Variants in OXSR1 observed in about 807,000 individuals in gnomAD.
OXSR1 encodes serine/threonine-protein kinase OSR1.
Under a neutral mutation model 79.8 loss-of-function variants are expected in OXSR1, and 24 were observed. The ratio of observed to expected loss-of-function variants is 0.30; its 90% CI spans 0.22 to 0.42. OXSR1 has a LOEUF of 0.42. Among genes scored for constraint, OXSR1 ranks in the 10% least tolerant of loss-of-function variants. OXSR1 has a pLI of 1.00. For missense variants in OXSR1, 430 were observed against 618.4 expected, an observed-to-expected ratio of 0.70 and a Z score of 3.23; for synonymous variants, 226 against 209.2, an observed-to-expected ratio of 1.08 and a Z score of -0.69.
At chr3:38,224,467 G>A (rs1702648959) in intron 7 of OXSR1, 104 bp from the exon 8 acceptor site, 1 of 794,766 alleles carries the variant, frequency 1.3e-6, no homozygotes, top group Non-Finnish European at 2.1e-6. Context: ...AAAATAAAAT[G>A]TTTGTATGTT....
chr3:38,235,943 A>G (rs1702909878), intron 10 of OXSR1, among the ~76,000 whole-genome samples: 2 of 152,198 alleles, frequency 1.3e-5, no homozygotes, highest in Non-Finnish European at 2.9e-5. Flanking sequence ...TTGATCTGAA[A>G]TAGGAGACAT....
chr3:38,200,036 G>T (rs1285554731), intron 4 of OXSR1, among the ~76,000 whole-genome samples: 1 of 152,192 alleles, frequency 6.6e-6, no homozygotes, highest in Admixed American at 6.5e-5. Flanking sequence ...GCTAAGAGAT[G>T]CCAGCTGTGC....
intron 3 of OXSR1, among the ~76,000 whole-genome samples, chr3:38,191,589 A>G (rs1301021483): frequency 6.6e-6 from 1 of 152,118 alleles, no homozygotes; most frequent in Non-Finnish European, 1.5e-5. Flanking sequence ...ATTTTGTAGG[A>G]GGATACTTCT....
At chr3:38,193,230 T>C (rs1702015199) in intron 3 of OXSR1, 2 of 1,274,236 alleles carry the variant, frequency 1.6e-6, no homozygotes, top group Non-Finnish European at 2.1e-6. Flanking sequence ...GCCCTTGTTA[T>C]TTGATGCTTT....
chr3:38,215,685 T>C (rs779337493), intron 4 of OXSR1, among the ~76,000 whole-genome samples: 3 of 152,212 alleles, frequency 2.0e-5, no homozygotes, highest in Non-Finnish European at 2.9e-5. Flanking sequence ...ACTATAGAGA[T>C]GCCTGAGTAA....
chr3:38,208,262 G>A (rs1414862102), intron 4 of OXSR1, among the ~76,000 whole-genome samples: 1 of 152,000 alleles, frequency 6.6e-6, no homozygotes, highest in Non-Finnish European at 1.5e-5. Context: ...AATTGATTAG[G>A]TACAGTTTTA....
intron 1 of OXSR1, among the ~76,000 whole-genome samples, chr3:38,181,592 G>A (rs934246292): frequency 1.3e-5 from 2 of 151,858 alleles, no homozygotes; most frequent in South Asian, 4.2e-4. Context: ...TCCTGACCTC[G>A]TGATCCGCCT....
At chr3:38,165,057 A>C (rs1701408088), upstream of OXSR1, 1 of 152,216 alleles carries the variant, frequency 6.6e-6, no homozygotes. Flanking sequence ...CTCCAGAGGA[A>C]GTGGTAAGAC....
intron 2 of OXSR1, among the ~76,000 whole-genome samples, chr3:38,186,734 A>C (rs1020510316): frequency 1.3e-5 from 2 of 152,242 alleles, no homozygotes; most frequent in African/African-American, 2.4e-5. Flanking sequence ...GGCTGTTTCT[A>C]CTTCTTGGCT....
At chr3:38,199,933 G>A (rs933122306) in intron 4 of OXSR1, among the ~76,000 whole-genome samples, 1 of 152,194 alleles carries the variant, frequency 6.6e-6, no homozygotes, top group Non-Finnish European at 1.5e-5. Context: ...TTGCCTGTGG[G>A]GATGGAAGGC....
chr3:38,236,130 C>T (rs1469815708), intron 10 of OXSR1, among the ~76,000 whole-genome samples: 1 of 152,150 alleles, frequency 6.6e-6, no homozygotes, highest in Non-Finnish European at 1.5e-5. Flanking sequence ...AGGTTCAGCT[C>T]TGAATATGAT....
intron 3 of OXSR1, among the ~76,000 whole-genome samples, chr3:38,195,321 G>A (rs1413420153): frequency 6.6e-6 from 1 of 152,170 alleles, no homozygotes; most frequent in African/African-American, 2.4e-5. Context: ...CCTCAACTTT[G>A]TCTTTTTCTA....
chr3:38,202,913 A>G (rs1559510357), intron 4 of OXSR1, among the ~76,000 whole-genome samples: 1 of 152,120 alleles, frequency 6.6e-6, no homozygotes, highest in African/African-American at 2.4e-5. Flanking sequence ...CAGACCACGA[A>G]AGGGAGTCTC....
rs146388925 is a variant in OXSR1, at chr3:38,179,099, C to T, written c.71-3904C>T. 6.7e-4 allele frequency among the ~76,000 whole-genome samples: 100 copies of T among 148,520 alleles called. 1 individual carries two copies. In the East Asian group the frequency reaches 0.017, roughly 26 times the overall value. On this transcript the variant is annotated intron_variant, in intron 1 of 17. Coordinates refer to ENST00000311806, the MANE Select transcript of OXSR1 (RefSeq NM_005109.3). ...AGGATGGAGTGCAGTGGCATGACCA[C>T]AGCTCACTGCAGCCTCAACCTCCCA...
intron 1 of OXSR1, among the ~76,000 whole-genome samples, chr3:38,178,158 C>G (rs2125804848): frequency 6.6e-6 from 1 of 152,278 alleles, no homozygotes; most frequent in African/African-American, 2.4e-5. Flanking sequence ...GCCATGTTGG[C>G]CAGGCTGGTC....
chr3:38,208,023 G>C (rs1456551611), intron 4 of OXSR1, among the ~76,000 whole-genome samples: 1 of 150,220 alleles, frequency 6.7e-6, no homozygotes, highest in East Asian at 2.0e-4. Flanking sequence ...TTTCCCACAA[G>C]ATTATTTGAT....
At position 38,254,303 on chromosome 3, in the gene OXSR1, A is replaced by G. The variant is rs2125858423; in HGVS notation, c.*1412A>G. 2.5e-6 allele frequency: 1 copy of G among 398,546 alleles called. No individual in the cohort carries two copies. The highest frequency in any genetic ancestry group is 4.4e-6 in the Non-Finnish European group (1 of 225,812). 24.7% of individuals were successfully genotyped at this position (398,546 alleles called of 1,614,324 possible). ...CTTATTTTCTCTTGGAACATATCTG[A>G]AAACCTTCCCCACAAATAACTTGTC... On this transcript the variant is annotated 3_prime_UTR_variant, in exon 18 of 18. Coordinates refer to ENST00000311806, the MANE Select transcript of OXSR1 (RefSeq NM_005109.3).
intron 4 of OXSR1, among the ~76,000 whole-genome samples, chr3:38,214,489 C>T (rs1485732781): frequency 7.2e-5 from 11 of 152,138 alleles, no homozygotes; most frequent in African/African-American, 2.4e-4. Context: ...AGTGACTAAA[C>T]TATACTTTTC....
intron 4 of OXSR1, among the ~76,000 whole-genome samples, chr3:38,210,129 G>T (rs1702356114): frequency 6.6e-6 from 1 of 151,890 alleles, no homozygotes; most frequent in African/African-American, 2.4e-5. Context: ...GATGTGGGAT[G>T]TTAATTCATA....
Sources: gnomAD v4.1 joint callset for allele counts (sites outside exome capture counted in the v4.1 genomes callset) on GRCh38, gnomAD v4.1.1 for gene constraint, MANE v1.5 for transcripts, NCBI Gene and HGNC (gene_info 2026-07-23, HGNC 2026-07-21) for gene names.